Variants in POU6F2 observed in about 807,000 individuals in gnomAD.
POU6F2 encodes POU domain, class 6, transcription factor 2.
A neutral mutation model predicts 71.3 loss-of-function variants in POU6F2; 31 were observed. The ratio of observed to expected loss-of-function variants is 0.43; its 90% confidence interval spans 0.33 to 0.59. The LOEUF (loss-of-function observed/expected upper bound fraction) is 0.59, where lower values mean the gene tolerates loss of function less well. POU6F2 is among the 20% of genes least tolerant of loss of function. The probability of loss-of-function intolerance (pLI) is 0.04; values close to 1 mark genes in which losing one functional copy is unlikely to be tolerated. For missense variants in POU6F2, 783 were observed against 856.8 expected, an observed-to-expected ratio of 0.91 and a Z score of 1.07; for synonymous variants, 347 against 355.7, an observed-to-expected ratio of 0.98 and a Z score of 0.27.
chr7:39,032,302 A>G (rs139426202), intron 1 of POU6F2, among the ~76,000 whole-genome samples: 1 of 152,318 alleles, frequency 6.6e-6, no homozygotes, highest in Admixed American at 6.5e-5. Context: ...AAAAGAAATT[A>G]CAGCCCACTC....
At chr7:39,328,354 T>TA (rs1174407180) in intron 4 of POU6F2, among the ~76,000 whole-genome samples, 1 of 152,234 alleles carries the variant, frequency 6.6e-6, no homozygotes, top group East Asian at 1.9e-4. Context: ...TCATGGAACA[T>TA]ATGTGGCAAC....
At chr7:39,332,049 T>A (rs1181942772) in intron 4 of POU6F2, among the ~76,000 whole-genome samples, 1 of 152,220 alleles carries the variant, frequency 6.6e-6, no homozygotes, top group African/African-American at 2.4e-5. Flanking sequence ...TTTCATTTCT[T>A]ACTTTTTCTT....
chr7:39,310,596 T>C (rs993531252), intron 4 of POU6F2, among the ~76,000 whole-genome samples: 1 of 152,234 alleles, frequency 6.6e-6, no homozygotes, highest in Non-Finnish European at 1.5e-5. Flanking sequence ...AAAACACCAT[T>C]ACGCATCAGT....
intron 4 of POU6F2, among the ~76,000 whole-genome samples, chr7:39,221,571 G>C (rs151028264): frequency 1.3e-5 from 2 of 151,716 alleles, no homozygotes; most frequent in Non-Finnish European, 2.9e-5. Flanking sequence ...ATTTTTAGTA[G>C]AGACCGGGGT....
chr7:39,067,407 CAT>C (rs1790779447), intron 1 of POU6F2, among the ~76,000 whole-genome samples: 2 of 151,776 alleles, frequency 1.3e-5, no homozygotes, highest in South Asian at 4.2e-4. Context: ...TAAAATAAAA[CAT>C]AAAGGTTAAA....
chr7:38,989,823 G>GTT (rs71529405), intron 1 of POU6F2, among the ~76,000 whole-genome samples: 8 of 119,580 alleles, frequency 6.7e-5, no homozygotes, highest in East Asian at 2.6e-4. Flanking sequence ...GTGTGTGTGT[G>GTT]TGTTTGTGTG....
chr7:39,245,639 G>A (rs906872103), intron 4 of POU6F2, among the ~76,000 whole-genome samples: 5 of 152,172 alleles, frequency 3.3e-5, no homozygotes, highest in South Asian at 2.1e-4. Context: ...GAACACTAAT[G>A]CAAGTCTCTT....
intron 1 of POU6F2, among the ~76,000 whole-genome samples, chr7:39,082,655 C>T (rs1482427291): frequency 6.6e-6 from 1 of 152,046 alleles, no homozygotes; most frequent in African/African-American, 2.4e-5. Context: ...GAAAGAGGCA[C>T]TCCCCCATCA....
chr7:39,138,884 T>C (rs1380896077), intron 2 of POU6F2, among the ~76,000 whole-genome samples: 1 of 152,122 alleles, frequency 6.6e-6, no homozygotes, highest in Non-Finnish European at 1.5e-5. Context: ...GGAGTCATAA[T>C]TTGACTCTCC....
At chr7:39,048,335 GT>G (rs35124306) in intron 1 of POU6F2, among the ~76,000 whole-genome samples, 27,392 of 149,328 alleles carry the variant, frequency 0.18, 2,606 homozygotes, top group African/African-American at 0.22. Flanking sequence ...CTGATAGGTA[GT>G]TTTTTTTTTA....
At chr7:39,275,040 G>A (rs1252795243) in intron 4 of POU6F2, among the ~76,000 whole-genome samples, 3 of 151,382 alleles carry the variant, frequency 2.0e-5, no homozygotes, top group Admixed American at 6.6e-5. Context: ...AGTGTTGGAA[G>A]TTCTGGCCAG....
chr7:39,240,143 A>C (rs1374071512), intron 4 of POU6F2, among the ~76,000 whole-genome samples: 2 of 152,140 alleles, frequency 1.3e-5, no homozygotes, highest in Non-Finnish European at 2.9e-5. Context: ...TATTTGAAGC[A>C]TTCTACTGAA....
chr7:39,440,257 G>C (rs185571281), intron 7 of POU6F2, among the ~76,000 whole-genome samples: 2 of 152,288 alleles, frequency 1.3e-5, no homozygotes, highest in East Asian at 3.9e-4. Context: ...AGTTCTCCTG[G>C]ATGATATCCT....
intron 2 of POU6F2, among the ~76,000 whole-genome samples, chr7:39,097,727 C>T (rs1479296050): frequency 6.6e-6 from 1 of 152,312 alleles, no homozygotes; most frequent in East Asian, 1.9e-4. Flanking sequence ...GTAGAGAAGA[C>T]ACCACATAGA....
In POU6F2 at chr7:39,454,715, T is replaced by G. The variant is rs1189679537; in HGVS notation, c.1489+3014T>G. Among the ~76,000 whole-genome samples, 148 of 73,398 alleles carry G rather than the reference T, an allele frequency of 2.0e-3. 17 individuals carry two copies. The highest frequency in any genetic ancestry group is 6.9e-3 in the African/African-American group (139 of 20,146). 48.2% of individuals were successfully genotyped at this position (73,398 alleles called of 152,430 possible). ...ATATATATATATATATATATATATA[T>G]ATATATATATATAAAATAAGATATA... On this transcript the variant is annotated intron_variant, in intron 8 of 9. Transcript: ENST00000518318.
intron 5 of POU6F2, among the ~76,000 whole-genome samples, chr7:39,348,685 T>C (rs1044100222): frequency 4.6e-5 from 7 of 152,248 alleles, no homozygotes; most frequent in African/African-American, 1.7e-4. Flanking sequence ...TATTTCCTTA[T>C]TGGCTCCCAG....
At chr7:39,049,624 T>C (rs1225833954) in intron 1 of POU6F2, among the ~76,000 whole-genome samples, 4 of 152,052 alleles carry the variant, frequency 2.6e-5, no homozygotes, top group Admixed American at 2.0e-4. Flanking sequence ...CTTAAGTAAT[T>C]ACAATTTACT....
intron 5 of POU6F2, among the ~76,000 whole-genome samples, chr7:39,390,375 G>A (rs750897901): frequency 3.3e-5 from 5 of 152,112 alleles, no homozygotes; most frequent in Non-Finnish European, 5.9e-5. Context: ...CAGCCTGGGC[G>A]GCAAATCAAG....
chr7:39,450,687 C>T (rs1007819812), intron 7 of POU6F2, among the ~76,000 whole-genome samples: 1 of 152,248 alleles, frequency 6.6e-6, no homozygotes, highest in Admixed American at 6.5e-5. Context: ...TTAATTCTTC[C>T]TTGTGGCATC....
Sources: gnomAD v4.1 joint callset for allele counts (sites outside exome capture counted in the v4.1 genomes callset) on GRCh38, gnomAD v4.1.1 for gene constraint, MANE v1.5 for transcripts, NCBI Gene and HGNC (gene_info 2026-07-23, HGNC 2026-07-21) for gene names.